CYFIP2: variants seen among roughly 807,000 people sequenced by gnomAD.
CYFIP2 encodes cytoplasmic FMR1-interacting protein 2.
A neutral mutation model predicts 158.7 loss-of-function variants in CYFIP2; 29 were observed. That is an observed-to-expected ratio of 0.18 (90% CI 0.14 to 0.25). The LOEUF is 0.25. CYFIP2 is among the 10% of genes least tolerant of loss of function. CYFIP2 has a pLI of 1.00. For missense variants in CYFIP2, 852 were observed against 1,639.5 expected, an observed-to-expected ratio of 0.52 and a Z score of 8.29; for synonymous variants, 585 against 617.6, an observed-to-expected ratio of 0.95 and a Z score of 0.78.
chr5:157,387,922 C>G (rs1226965166), intron 28 of CYFIP2, among the ~76,000 whole-genome samples: 1 of 152,122 alleles, frequency 6.6e-6, no homozygotes, highest in Non-Finnish European at 1.5e-5. Flanking sequence ...ATAAGAGACT[C>G]CTGCATTGGT....
chr5:157,392,401 ATATGG>A (rs1767395080), intron 30 of CYFIP2, among the ~76,000 whole-genome samples: 1 of 152,146 alleles, frequency 6.6e-6, no homozygotes, highest in Non-Finnish European at 1.5e-5. Context: ...AATTTTTTGT[ATATGG>A]TATAAGGTAA....
intron 21 of CYFIP2, 134 bp downstream of exon 21, chr5:157,333,580 T>A (rs1761641281): frequency 7.7e-7 from 1 of 1,300,294 alleles, no homozygotes; most frequent in African/African-American, 1.5e-5. Flanking sequence ...TGAATGGAGC[T>A]GGGAAAGAAA....
chr5:157,290,174 A>G (rs144434270), intron 3 of CYFIP2, among the ~76,000 whole-genome samples: 230 of 152,328 alleles, frequency 1.5e-3, no homozygotes, highest in Non-Finnish European at 2.5e-3. Flanking sequence ...GCCCTAATAG[A>G]GTGTCACAAA....
intron 28 of CYFIP2, chr5:157,384,838 G>T (rs1766500407): frequency 3.7e-6 from 1 of 267,914 alleles, no homozygotes; most frequent in Admixed American, 4.5e-5. Flanking sequence ...TACTTGGGAG[G>T]CTGAGGCAGG....
intron 28 of CYFIP2, chr5:157,383,694 C>T: frequency 5.1e-6 from 1 of 194,972 alleles, no homozygotes. Context: ...TGTGAGCCAG[C>T]AGTTCACTTC....
chr5:157,359,250 G>A, intron 24 of CYFIP2, 102 bp downstream of exon 24: 3 of 1,369,292 alleles, frequency 2.2e-6, no homozygotes, highest in Non-Finnish European at 3.0e-6. Flanking sequence ...CAAATCCCAG[G>A]CACTGCAGCT....
intron 22 of CYFIP2, among the ~76,000 whole-genome samples, chr5:157,340,717 T>G (rs2113238206): frequency 6.6e-6 from 1 of 152,342 alleles, no homozygotes; most frequent in African/African-American, 2.4e-5. Context: ...CTGGCTCTTT[T>G]GAGAAAGAGT....
intron 6 of CYFIP2, among the ~76,000 whole-genome samples, chr5:157,301,692 G>A (rs1293772173): frequency 6.6e-6 from 1 of 152,098 alleles, no homozygotes; most frequent in East Asian, 1.9e-4. Flanking sequence ...ACTTTGGGAG[G>A]CCACAGCAGG....
At chr5:157,344,341 T>A (rs1342046376) in intron 23 of CYFIP2, among the ~76,000 whole-genome samples, 1 of 152,202 alleles carries the variant, frequency 6.6e-6, no homozygotes, top group Non-Finnish European at 1.5e-5. Flanking sequence ...TTTCCTTTAT[T>A]CTTCATCACA....
chr5:157,360,247 A>G, intron 24 of CYFIP2, 35 bp from the exon 25 acceptor site: 1 of 1,578,500 alleles, frequency 6.3e-7, no homozygotes, highest in Non-Finnish European at 8.7e-7. Context: ...ATAGCCCAGA[A>G]TTCAGCCCAC....
chr5:157,276,136 A>G (rs995161315), intron 1 of CYFIP2, among the ~76,000 whole-genome samples: 1 of 152,058 alleles, frequency 6.6e-6, no homozygotes, highest in Non-Finnish European at 1.5e-5. Flanking sequence ...GATGTCTTTT[A>G]TTTAATTTTC....
At chr5:157,299,790 TA>T (rs1424381814) in intron 5 of CYFIP2, among the ~76,000 whole-genome samples, 1 of 152,100 alleles carries the variant, frequency 6.6e-6, no homozygotes, top group African/African-American at 2.4e-5. Flanking sequence ...TAATCTCAGC[TA>T]CCCAGGAGGC....
chr5:157,362,620 AATT>A (rs531325041), intron 26 of CYFIP2: 67 of 152,312 alleles, frequency 4.4e-4, no homozygotes, highest in African/African-American at 1.6e-3. Context: ...CTCATTAGAT[AATT>A]ATTCCTTGGA....
At chr5:157,316,195 A>G (rs1366865342) in intron 13 of CYFIP2, among the ~76,000 whole-genome samples, 2 of 152,250 alleles carry the variant, frequency 1.3e-5, no homozygotes, top group Non-Finnish European at 2.9e-5. Flanking sequence ...GCATATCTGT[A>G]GTTTTCATGC....
intron 15 of CYFIP2, among the ~76,000 whole-genome samples, 171 bp downstream of exon 15, chr5:157,320,973 G>A (rs1760549567): frequency 6.6e-6 from 1 of 152,194 alleles, no homozygotes; most frequent in South Asian, 2.1e-4. Context: ...ATAGGAAGGA[G>A]GACCACTGGC....
chr5:157,302,950 A>C lies in CYFIP2; in HGVS notation c.666+60A>C, dbSNP rs1403562280. 2.1e-6 allele frequency: 3 copies of C among 1,404,736 alleles called. No homozygotes were observed. The Admixed American group carries it at 6.6e-5, about 31-fold the overall frequency. The allele number at this position is 1,404,736 out of a possible 1,614,324, so 87.0% of individuals were successfully genotyped here. ...GTCTCGGGGTTATAGGCAGGCGTGTAGAGGTTGGGTGGACCACGAGCCCAA... is the reference window on the plus strand; with the variant it reads ...GTCTCGGGGTTATAGGCAGGCGTGTCGAGGTTGGGTGGACCACGAGCCCAA... On this transcript the variant is annotated intron_variant, in intron 7 of 30. Coordinates refer to ENST00000620254, the MANE Select transcript of CYFIP2 (RefSeq NM_001037333.3).
chr5:157,381,548 G>T (rs55738502), intron 26 of CYFIP2, among the ~76,000 whole-genome samples: 2 of 138,328 alleles, frequency 1.4e-5, no homozygotes, highest in Admixed American at 7.3e-5. Flanking sequence ...AAAAAAAAAA[G>T]GGGTGAGGGG....
At chr5:157,351,080 T>C (rs934919500) in intron 23 of CYFIP2, among the ~76,000 whole-genome samples, 1 of 152,172 alleles carries the variant, frequency 6.6e-6, no homozygotes, top group African/African-American at 2.4e-5. Context: ...GGACTTCCAG[T>C]ACTATGTTGA....
intron 26 of CYFIP2, among the ~76,000 whole-genome samples, chr5:157,369,133 A>T (rs1248732755): frequency 6.6e-6 from 1 of 152,066 alleles, no homozygotes; most frequent in Non-Finnish European, 1.5e-5. Flanking sequence ...TCTGACCTCA[A>T]GTGATCCACC....
Sources: gnomAD v4.1 joint callset for allele counts (sites outside exome capture counted in the v4.1 genomes callset) on GRCh38, gnomAD v4.1.1 for gene constraint, MANE v1.5 for transcripts, NCBI Gene and HGNC (gene_info 2026-07-23, HGNC 2026-07-21) for gene names.